The following KMT5B variants were observed in gnomAD, a reference collection of about 807,000 sequenced individuals.
KMT5B encodes histone-lysine N-methyltransferase KMT5B.
Under a neutral mutation model 83.2 loss-of-function variants are expected in KMT5B, and 10 were observed. The observed-to-expected ratio is 0.12, with a 90% CI of 0.07 to 0.20. KMT5B has a LOEUF of 0.20. Ranked by LOEUF, KMT5B falls within the 10% of genes least tolerant of loss-of-function variation. The pLI is 1.00. For missense variants in KMT5B, 753 were observed against 1,067.2 expected (o/e 0.71, Z 4.10); for synonymous variants, 349 against 388.8 (o/e 0.90, Z 1.20).
chr11:68,193,145 GA>G (rs1247202670), intron 1 of KMT5B, among the ~76,000 whole-genome samples: 8 of 152,190 alleles, frequency 5.3e-5, no homozygotes, highest in Non-Finnish European at 1.2e-4. Context: ...CAGAGCCAAA[GA>G]TGCCTTAAGA....
At position 68,171,227 on chromosome 11, in the gene KMT5B, C is replaced by T. The variant is rs1007824380; in HGVS notation, c.840+5G>A. ...ATACTTGAAGAAAATTTTTTTAATG[C>T]TTACCTTACAATTAGGTCTGCAATC... On this transcript the variant is annotated splice_donor_5th_base_variant and intron_variant, in intron 8 of 10. Transcript: ENST00000304363. This position sits in a 1 kb window ranked among gnomAD's most constrained non-coding sequence, Gnocchi z 5.1. The T allele has an allele frequency of 2.5e-6, 4 of 1,606,338 alleles. No homozygotes were observed. The highest frequency in any genetic ancestry group is 3.4e-6 in the Non-Finnish European group (4 of 1,178,380).
intron 3 of KMT5B, among the ~76,000 whole-genome samples, chr11:68,181,731 T>A (rs905737358): frequency 3.9e-5 from 6 of 152,242 alleles, no homozygotes; most frequent in Admixed American, 3.3e-4. Context: ...GAAGGGATAG[T>A]TTTATTTTCA....
At chr11:68,188,030 T>C (rs1857608707) in intron 2 of KMT5B, among the ~76,000 whole-genome samples, 1 of 150,780 alleles carries the variant, frequency 6.6e-6, no homozygotes, top group Non-Finnish European at 1.5e-5. Flanking sequence ...CTTTTTCTTT[T>C]TTTTTTTTTT....
chr11:68,159,256 C>CATT, intron 10 of KMT5B, 85 bp from the exon 11 acceptor site: 1 of 1,486,712 alleles, frequency 6.7e-7, no homozygotes, highest in Non-Finnish European at 8.8e-7. Context: ...CTATTAGCTA[C>CATT]AGCACGTTTA....
intron 1 of KMT5B, among the ~76,000 whole-genome samples, chr11:68,209,771 A>G (rs1860637572): frequency 6.6e-6 from 1 of 152,156 alleles, no homozygotes; most frequent in African/African-American, 2.4e-5. Flanking sequence ...TTTAAACTGC[A>G]GTCTGGGGTT....
Position 68,171,794 on chromosome 11 carries a change from T to C in KMT5B, c.654-85A>G. ...TTAATAAAATAATCCTGACAATAAA[T>C]ATCAGAAACTGAAAAGGCCTAGCTG... On this transcript the variant is annotated intron_variant, in intron 6 of 10. Transcript: ENST00000304363. The surrounding 1 kb of genome is among the most constrained non-coding windows in gnomAD (Gnocchi z 5.1). The C allele has an allele frequency of 8.7e-7, 1 of 1,145,260 alleles. No homozygotes were observed. Among genetic ancestry groups the C allele is most frequent in the Non-Finnish European group, 1.2e-6 (1 of 808,976 alleles). The allele number at this position is 1,145,260 out of a possible 1,614,324, so 70.9% of individuals were successfully genotyped here. A position where few individuals can be genotyped will look rare whatever the true frequency, so the allele number is the denominator to read the frequency against.
chr11:68,181,263 C>T (rs1188720778), intron 3 of KMT5B, among the ~76,000 whole-genome samples: 4 of 151,908 alleles, frequency 2.6e-5, no homozygotes, highest in South Asian at 2.1e-4. Flanking sequence ...TTAGTAGAGA[C>T]GGGGTTTCAC....
At chr11:68,200,706 T>C (rs953862210) in intron 1 of KMT5B, among the ~76,000 whole-genome samples, 2 of 152,240 alleles carry the variant, frequency 1.3e-5, no homozygotes, top group East Asian at 1.9e-4. Context: ...TTTAAACTAA[T>C]AGATTGGTTA....
chr11:68,209,218 C>T (rs1166058549), intron 1 of KMT5B, among the ~76,000 whole-genome samples: 1 of 152,128 alleles, frequency 6.6e-6, no homozygotes, highest in Non-Finnish European at 1.5e-5. Flanking sequence ...ATCAGACAGG[C>T]AAAACAATTC....
chr11:68,163,281 G>C lies in KMT5B; in HGVS notation c.1174+3701C>G, dbSNP rs1319725932. ...CATCCTAATGAACGCCGTTGGAAGG[G>C]AAAGCGATTAAAGCTATGTGAAAAC... is the stretch of plus-strand genomic sequence containing the variant. On this transcript the variant is annotated intron_variant, in intron 10 of 10. Coordinates refer to ENST00000304363, the MANE Select transcript of KMT5B (RefSeq NM_017635.5). Among the ~76,000 whole-genome samples, 26 of 152,306 alleles carry C rather than the reference G, an allele frequency of 1.7e-4. 1 individual carries two copies. Among genetic ancestry groups the C allele is most frequent in the Admixed American group, 1.6e-3 (24 of 15,306 alleles).
At chr11:68,173,767 A>C (rs1590963024) in intron 6 of KMT5B, 37 bp downstream of exon 6, 2 of 1,282,714 alleles carry the variant, frequency 1.6e-6, no homozygotes, top group Non-Finnish European at 2.2e-6. Context: ...AGAGAACTTT[A>C]AATTAAATTA....
In KMT5B at chr11:68,159,120, G is replaced by T. The variant is rs201298002; in HGVS notation, c.1226C>A (p.Thr409Lys). The change falls in exon 11 of 11, where the codon ACG becomes AAG. Residue 409 changes from threonine (T) to lysine (K), a missense_variant. Physicochemically the swap from Thr to Lys is moderately conservative, Grantham distance 78. Coordinates refer to ENST00000304363, the MANE Select transcript of KMT5B (RefSeq NM_017635.5). ...VGVKKNSKSR[T>K]LTRQSMSRIP... ...TCTTGACATAGATTGCCTCGTTAAC[G>T]TTCTGCTCTTGCTATTCTTTTTTAC... The T allele has an allele frequency of 6.3e-7, 1 of 1,594,714 alleles. No homozygotes were observed. The highest frequency in any genetic ancestry group is 1.9e-5 in the Admixed American group (1 of 54,008).
Position 68,193,654 on chromosome 11 carries a change from T to TA in KMT5B, c.-76-3503dup, listed in dbSNP as rs770243157. The stretch of plus-strand genomic sequence containing the variant: ...TTTTGATTTTTCTCATAGGTTTCAC[T>TA]AAACAGTCTTCTATCTATTCTACAT... On this transcript the variant is annotated intron_variant, in intron 1 of 10. Transcript: ENST00000304363. Among the ~76,000 whole-genome samples, 134 of 152,320 alleles carry TA rather than the reference T, an allele frequency of 8.8e-4. 1 individual carries two copies. Among genetic ancestry groups the TA allele is most frequent in the Non-Finnish European group, 1.2e-3 (85 of 68,020 alleles).
chr11:68,156,639 TCAC>T lies in KMT5B; in HGVS notation c.*1046_*1048del, dbSNP rs1859315546. 1 of 152,648 alleles carries T rather than the reference TCAC, an allele frequency of 6.6e-6. No homozygotes were observed. 9.5% of individuals were successfully genotyped at this position (152,648 alleles called of 1,614,324 possible). A position where few individuals can be genotyped will look rare whatever the true frequency, so the allele number is the denominator to read the frequency against. On this transcript the variant is annotated 3_prime_UTR_variant, in exon 11 of 11. Coordinates refer to ENST00000304363, the MANE Select transcript of KMT5B (RefSeq NM_017635.5). ...TTTAATTTCTTATGACAAAAATTTC[TCAC>T]AACACACAAATATTTACAACATATA...
rs757287333 is a variant in KMT5B at position 68,171,722 on chromosome 11, T to C, written c.654-13A>G. ...GTCATTTCGTTTCCTATTTAAAATA[T>C]GTGATGTGTTAAAAATTACTAGTAA... On this transcript the variant is annotated splice_polypyrimidine_tract_variant and intron_variant, in intron 6 of 10. Transcript: ENST00000304363. This position sits in a 1 kb window ranked among gnomAD's most constrained non-coding sequence, Gnocchi z 5.1. The C allele has an allele frequency of 1.1e-5, 17 of 1,594,418 alleles. No individual in the cohort carries two copies. The East Asian group carries it at 1.1e-4, about 10-fold the overall frequency.
At chr11:68,207,824 C>T (rs1169531686) in intron 1 of KMT5B, among the ~76,000 whole-genome samples, 1 of 149,696 alleles carries the variant, frequency 6.7e-6, no homozygotes, top group Non-Finnish European at 1.5e-5. Flanking sequence ...AAAAACAACA[C>T]AGAATAATGA....
At chr11:68,183,040 G>GT (rs1395772937) in intron 3 of KMT5B, among the ~76,000 whole-genome samples, 3 of 151,970 alleles carry the variant, frequency 2.0e-5, no homozygotes, top group Non-Finnish European at 4.4e-5. Flanking sequence ...CTGGCCCATT[G>GT]TAATTCTGAT....
At chr11:68,176,862 T>C (rs1856436721) in intron 4 of KMT5B, 2 of 152,106 alleles carry the variant, frequency 1.3e-5, no homozygotes, top group Non-Finnish European at 2.9e-5. Flanking sequence ...GAAAAAATAT[T>C]AGTGGTTCAG....
chr11:68,168,239 T>C (rs1362556376), intron 9 of KMT5B, among the ~76,000 whole-genome samples: 3 of 152,172 alleles, frequency 2.0e-5, no homozygotes, highest in Non-Finnish European at 4.4e-5. Flanking sequence ...GGCCATTTTT[T>C]TCCTGTGAAG....
Sources: allele counts gnomAD v4.1 joint callset (sites outside exome capture counted in the v4.1 genomes callset), GRCh38; gene constraint gnomAD v4.1.1; non-coding constraint Gnocchi (gnomAD v3.1); transcripts MANE v1.5; gene names NCBI Gene and HGNC (gene_info 2026-07-23, HGNC 2026-07-21).